BRWD1: variants seen among roughly 807,000 people sequenced by gnomAD.
BRWD1 encodes bromodomain and WD repeat-containing protein 1.
Under a neutral mutation model 251.2 loss-of-function variants are expected in BRWD1, and 82 were observed. The ratio of observed to expected loss-of-function variants is 0.33; its 90% CI spans 0.27 to 0.39. The LOEUF (loss-of-function observed/expected upper bound fraction) is 0.39, where lower values mean the gene tolerates loss of function less well. Ranked by LOEUF, BRWD1 falls within the 10% of genes least tolerant of loss-of-function variation. BRWD1 has a pLI of 1.00. For missense variants in BRWD1, 2,233 were observed against 2,711.6 expected (o/e 0.82, Z 3.92); for synonymous variants, 918 against 902.8 (o/e 1.02, Z -0.30).
intron 36 of BRWD1, among the ~76,000 whole-genome samples, chr21:39,207,745 C>T (rs925845065): frequency 2.0e-5 from 3 of 152,184 alleles, no homozygotes; most frequent in African/African-American, 4.8e-5. Flanking sequence ...GAAATAGAAA[C>T]AGCCGAGCTG....
Position 39,272,119 on chromosome 21 carries a change from T to G in BRWD1, c.1245-1686A>C, listed in dbSNP as rs1383236868. ...ATAATTCTAACTAGATTGATTGGTG[T>G]TGAGGGTAGAATAATATTAAGAAGT... is the stretch of plus-strand genomic sequence containing the variant. On this transcript the variant is annotated intron_variant, in intron 13 of 40. Transcript: ENST00000342449. Among the ~76,000 whole-genome samples, 3 of 148,498 alleles carry G rather than the reference T, an allele frequency of 2.0e-5. No homozygotes were observed. In the South Asian group the frequency reaches 6.3e-4, roughly 31 times the overall value.
chr21:39,271,933 G>C (rs2035120704), intron 13 of BRWD1, among the ~76,000 whole-genome samples: 1 of 149,896 alleles, frequency 6.7e-6, no homozygotes, highest in Non-Finnish European at 1.5e-5. Flanking sequence ...CAGCTACTTG[G>C]GAGGCTGAGG....
chr21:39,249,912 GGGGGTGT>G (rs2034332758), intron 20 of BRWD1, among the ~76,000 whole-genome samples: 2 of 33,698 alleles, frequency 5.9e-5, no homozygotes, highest in South Asian at 3.1e-3. Flanking sequence ...AAAAAAGAAG[GGGGGTGT>G]GTGTGTGTGT....
intron 36 of BRWD1, chr21:39,209,650 GT>G (rs1475643139): frequency 1.2e-5 from 2 of 161,700 alleles, no homozygotes; most frequent in African/African-American, 4.8e-5. Flanking sequence ...CTCGATCTAT[GT>G]TTCCAATCCA....
Position 39,186,799 on chromosome 21 carries a change from T to A in BRWD1, c.*9460A>T. 1 of 551,358 alleles carries A rather than the reference T, an allele frequency of 1.8e-6. No individual in the cohort carries two copies. The highest frequency in any genetic ancestry group is 2.7e-6 in the Non-Finnish European group (1 of 363,816). The allele number at this position is 551,358 out of a possible 1,614,324, so 34.2% of individuals were successfully genotyped here. A position where few individuals can be genotyped will look rare whatever the true frequency, so the allele number is the denominator to read the frequency against. On this transcript the variant is annotated 3_prime_UTR_variant, in exon 41 of 41. Coordinates refer to ENST00000342449, the MANE Select transcript of BRWD1 (RefSeq NM_033656.4). ...TATAGCAGGCCATTTGTCTTTTCTT[T>A]CCACCTCTCCACCTACAGACTCTGC...
intron 10 of BRWD1, chr21:39,278,519 C>T: frequency 4.2e-6 from 2 of 473,220 alleles, no homozygotes; most frequent in Non-Finnish European, 7.5e-6. Context: ...CTCCCTTTTA[C>T]CAGCCATCTC....
Position 39,190,782 on chromosome 21 carries a change from C to G in BRWD1, c.*5477G>C, listed in dbSNP as rs1325891153. 13 of 985,198 alleles carry G rather than the reference C, an allele frequency of 1.3e-5. No homozygotes were observed. Among genetic ancestry groups the G allele is most frequent in the Non-Finnish European group, 1.6e-5 (13 of 829,894 alleles). The allele number at this position is 985,198 out of a possible 1,614,324, so 61.0% of individuals were successfully genotyped here. On this transcript the variant is annotated 3_prime_UTR_variant, in exon 41 of 41. Transcript: ENST00000342449. ...AAACAGTTCCGTTTTCTAGGGGGAG[C>G]TGGTAACACTGCAGTATGGCAGCAT...
Position 39,193,466 on chromosome 21 carries a change from T to C in BRWD1, c.*2793A>G, listed in dbSNP as rs1345517864. 6.1e-6 allele frequency: 6 copies of C among 984,972 alleles called. No homozygotes were observed. The African/African-American group carries it at 1.0e-4, about 17-fold the overall frequency. 61.0% of individuals were successfully genotyped at this position (984,972 alleles called of 1,614,324 possible). A position where few individuals can be genotyped will look rare whatever the true frequency, so the allele number is the denominator to read the frequency against. On this transcript the variant is annotated 3_prime_UTR_variant, in exon 41 of 41. Coordinates refer to ENST00000342449, the MANE Select transcript of BRWD1 (RefSeq NM_033656.4). ...TGTTAACACTCATCTATCTTGTCAA[T>C]GTTTGAAATCATTTTTCCTTTATAT...
At chr21:39,297,875 T>C (rs1195673528) in intron 5 of BRWD1, 1 of 983,338 alleles carries the variant, frequency 1.0e-6, no homozygotes, top group African/African-American at 1.7e-5. Flanking sequence ...GTCTAAGTCA[T>C]ATATACCAAG....
At chr21:39,269,510 T>C (rs1160526984) in intron 15 of BRWD1, among the ~76,000 whole-genome samples, 1 of 152,180 alleles carries the variant, frequency 6.6e-6, no homozygotes, top group African/African-American at 2.4e-5. Context: ...ATTTGGTTAA[T>C]ATTGAATATT....
intron 20 of BRWD1, 123 bp downstream of exon 20, chr21:39,250,673 G>T: frequency 1.6e-6 from 1 of 636,516 alleles, no homozygotes; most frequent in Non-Finnish European, 2.6e-6. Context: ...ATCTCAAACA[G>T]AAAACCTTAA....
chr21:39,232,984 T>C (rs1339385617), intron 23 of BRWD1, among the ~76,000 whole-genome samples: 1 of 152,128 alleles, frequency 6.6e-6, no homozygotes, highest in Non-Finnish European at 1.5e-5. Flanking sequence ...ACTTAATGAC[T>C]CACTTCTACC....
chr21:39,257,915 T>TA (rs1197725782), intron 18 of BRWD1, among the ~76,000 whole-genome samples: 1 of 151,948 alleles, frequency 6.6e-6, no homozygotes, highest in Non-Finnish European at 1.5e-5. Context: ...CTTTCCAAAA[T>TA]AAAAAAACAA....
chr21:39,200,264 T>C lies in BRWD1; in HGVS notation c.4708A>G (p.Ser1570Gly). ...SSSRSGLSRS[S>G]NLRVTRTRAA... is the part of the protein sequence containing the mutation. Reference sequence around the variant, plus strand: ...CTAGTTCTGGTTACCCTGAGATTGCTGCTTCTGGATAGCCCACTGCGTGAG... The same window carrying C: ...CTAGTTCTGGTTACCCTGAGATTGCCGCTTCTGGATAGCCCACTGCGTGAG... The change falls in exon 39 of 41, where the codon AGC becomes GGC. Residue 1570 changes from serine (S) to glycine (G), a missense_variant. By Grantham distance (56) the Ser-to-Gly change is moderately conservative. Around this residue, in one of 12 missense-constraint regions of BRWD1, gnomAD observed 928 missense variants for 970.0 expected, o/e 0.96. Transcript: ENST00000342449. 1 of 1,614,120 alleles carries C rather than the reference T, an allele frequency of 6.2e-7. No homozygotes were observed. Among genetic ancestry groups the C allele is most frequent in the South Asian group, 1.1e-5 (1 of 91,054 alleles).
intron 28 of BRWD1, 57 bp from the exon 29 acceptor site, chr21:39,224,526 T>C (rs1338422023): frequency 5.6e-5 from 63 of 1,115,344 alleles, no homozygotes; most frequent in Non-Finnish European, 7.8e-5. Context: ...ATGTGGATAA[T>C]AGGTATCCAT....
At chr21:39,185,025 T>C (rs2031133430), downstream of BRWD1, 1 of 152,182 alleles carries the variant, frequency 6.6e-6, no homozygotes, top group South Asian at 2.1e-4. Flanking sequence ...GTAATAGTAA[T>C]ACATTTGGCC....
chr21:39,190,594 C>T lies in BRWD1; in HGVS notation c.*5665G>A, dbSNP rs930888884. 28 of 985,270 alleles carry T rather than the reference C, an allele frequency of 2.8e-5. No individual in the cohort carries two copies. Among genetic ancestry groups the T allele is most frequent in the Non-Finnish European group, 3.4e-5 (28 of 829,850 alleles). 61.0% of individuals were successfully genotyped at this position (985,270 alleles called of 1,614,324 possible). A position where few individuals can be genotyped will look rare whatever the true frequency, so the allele number is the denominator to read the frequency against. On this transcript the variant is annotated 3_prime_UTR_variant, in exon 41 of 41. Coordinates refer to ENST00000342449, the MANE Select transcript of BRWD1 (RefSeq NM_033656.4). ...TTGAGATATTCTCTCCTCTGTCTGC[C>T]CTTCATTGATAAGCAATGAAATGAC...
chr21:39,292,272 A>G (rs185429790), intron 8 of BRWD1, among the ~76,000 whole-genome samples: 43 of 152,250 alleles, frequency 2.8e-4, no homozygotes, highest in African/African-American at 9.9e-4. Context: ...AAATCTCAGC[A>G]TAAGTCTTAA....
chr21:39,215,118 C>CA, intron 32 of BRWD1, 119 bp downstream of exon 32: 1 of 954,896 alleles, frequency 1.0e-6, no homozygotes, highest in Admixed American at 2.1e-5. Context: ...GATCTGACGG[C>CA]CTTCACTTCC....
Sources: allele counts gnomAD v4.1 joint callset (sites outside exome capture counted in the v4.1 genomes callset), GRCh38; gene constraint gnomAD v4.1.1; regional missense constraint gnomAD v4.1.1; transcripts MANE v1.5; gene names NCBI Gene and HGNC (gene_info 2026-07-23, HGNC 2026-07-21).